The following WDFY3 variants were observed in gnomAD, a reference collection of about 807,000 sequenced individuals.
WDFY3 encodes the protein WD repeat and FYVE domain containing 3.
WDFY3 carries 66 observed loss-of-function variants against 409.6 expected under a neutral mutation model. That is an observed-to-expected ratio of 0.16 (90% CI 0.13 to 0.20). The LOEUF is 0.20. Among genes scored for constraint, WDFY3 ranks in the 10% least tolerant of loss-of-function variants. WDFY3 has a pLI of 1.00. For synonymous variants in WDFY3, 1,521 were observed against 1,537.1 expected, an observed-to-expected ratio of 0.99 and a Z score of 0.25; for missense variants, 3,031 against 4,298.1, an observed-to-expected ratio of 0.71 and a Z score of 8.24.
At chr4:84,735,923 T>C (rs561098115) in intron 42 of WDFY3, among the ~76,000 whole-genome samples, 7 of 152,346 alleles carry the variant, frequency 4.6e-5, no homozygotes, top group African/African-American at 1.4e-4. Context: ...AAATTATCTA[T>C]AGTCTGATCA....
chr4:84,736,508 C>T (rs1383545647), intron 41 of WDFY3, among the ~76,000 whole-genome samples, 181 bp from the exon 42 acceptor site: 1 of 151,428 alleles, frequency 6.6e-6, no homozygotes, highest in Non-Finnish European at 1.5e-5. Flanking sequence ...AGGATGACTG[C>T]TCGCAAATTG....
chr4:84,770,336 T>G (rs745599183), intron 30 of WDFY3, among the ~76,000 whole-genome samples: 1 of 152,166 alleles, frequency 6.6e-6, no homozygotes, highest in Non-Finnish European at 1.5e-5. Context: ...CCGAGTTATA[T>G]ACATTTTTTA....
chr4:84,889,598 A>ATATGAATTTCAAATTCTGTTCC, intron 3 of WDFY3, among the ~76,000 whole-genome samples: 1 of 152,222 alleles, frequency 6.6e-6, no homozygotes, highest in East Asian at 1.9e-4. Flanking sequence ...TGTCAGGCAG[A>ATATGAATTTCAAATTCTGTTCC]TATGAATTTC....
chr4:84,886,505 T>C (rs1764248089), intron 3 of WDFY3: 1 of 152,180 alleles, frequency 6.6e-6, no homozygotes, highest in African/African-American at 2.4e-5. Context: ...CATGTATTTT[T>C]TTCTAAAGTG....
chr4:84,848,646 T>C (rs1377696051), intron 5 of WDFY3, among the ~76,000 whole-genome samples: 5 of 152,196 alleles, frequency 3.3e-5, no homozygotes, highest in Non-Finnish European at 7.3e-5. Context: ...GCCTAAGTCA[T>C]AGGCAGTTTA....
chr4:84,802,277 G>C (rs1750726862), intron 16 of WDFY3, among the ~76,000 whole-genome samples: 2 of 140,506 alleles, frequency 1.4e-5, no homozygotes, highest in Non-Finnish European at 3.1e-5. Context: ...TTTTGAGACA[G>C]AGTCTTGCTC....
rs78727463 is a variant in WDFY3 at position 84,718,310 on chromosome 4, G to A, written c.7754+112C>T. 1.3e-3 allele frequency: 1,440 copies of A among 1,115,436 alleles called. 8 individuals carry two copies. The African/African-American group carries it at 0.015, about 11-fold the overall frequency. The allele number at this position is 1,115,436 out of a possible 1,614,324, so 69.1% of individuals were successfully genotyped here. A position where few individuals can be genotyped will look rare whatever the true frequency, so the allele number is the denominator to read the frequency against. The stretch of plus-strand genomic sequence containing the variant: ...ATGTAATGATGAATGCACACAAACC[G>A]AGAGATAACATTACCTAGAACACAA... On this transcript the variant is annotated intron_variant, in intron 48 of 67. Coordinates refer to ENST00000295888, the MANE Select transcript of WDFY3 (RefSeq NM_014991.6).
chr4:84,752,828 G>C (rs1009107153), intron 35 of WDFY3, among the ~76,000 whole-genome samples: 2 of 152,064 alleles, frequency 1.3e-5, no homozygotes, highest in Non-Finnish European at 1.5e-5. Context: ...ACTATCTTTT[G>C]GGTGTGTTTT....
At chr4:84,769,702 A>G (rs937873882) in intron 30 of WDFY3, among the ~76,000 whole-genome samples, 15 of 152,006 alleles carry the variant, frequency 9.9e-5, no homozygotes, top group Admixed American at 2.0e-4. Context: ...GATTACAGGC[A>G]TGAGCCACCG....
At chr4:84,956,520 G>C (rs1366040338) in intron 1 of WDFY3, among the ~76,000 whole-genome samples, 2 of 152,192 alleles carry the variant, frequency 1.3e-5, no homozygotes, top group Non-Finnish European at 2.9e-5. Context: ...ATAGGTAGTA[G>C]TAATGAATAC....
At chr4:84,827,075 A>G in intron 9 of WDFY3, 94 bp from the exon 10 acceptor site, 1 of 1,345,804 alleles carries the variant, frequency 7.4e-7, no homozygotes, top group East Asian at 2.5e-5. Flanking sequence ...TGCAGTAAAT[A>G]AATGTATAAA....
intron 44 of WDFY3, among the ~76,000 whole-genome samples, chr4:84,727,954 T>C (rs1326615681): frequency 6.6e-6 from 1 of 152,100 alleles, no homozygotes; most frequent in Non-Finnish European, 1.5e-5. Context: ...AAAAGTATAA[T>C]GTATATATTT....
At chr4:84,752,977 A>G (rs1478414422) in intron 35 of WDFY3, among the ~76,000 whole-genome samples, 1 of 152,220 alleles carries the variant, frequency 6.6e-6, no homozygotes, top group African/African-American at 2.4e-5. Flanking sequence ...AGTCACCAAT[A>G]TTTATGTCAA....
chr4:84,736,232 A>G lies in WDFY3; in HGVS notation c.6853T>C (p.Leu2285=). Residue 2285 remains leucine (L), a synonymous_variant, in exon 42 of 68, where the codon TTA becomes CTA. Transcript: ENST00000295888. ...TTTCGATTCCTTCTTGATCCTGTTA[A>G]CTTGGAAAGACCAAAGCCACTGCTG... The part of the protein sequence containing the change: ...RVSSGFGLSK[L]TGSRRNRKES... 6.2e-7 allele frequency: 1 copy of G among 1,613,612 alleles called. No individual in the cohort carries two copies. The highest frequency in any genetic ancestry group is 8.5e-7 in the Non-Finnish European group (1 of 1,179,696).
intron 9 of WDFY3, among the ~76,000 whole-genome samples, chr4:84,828,074 AGAGGGAGG>A (rs923450236): frequency 2.2e-5 from 3 of 138,774 alleles, no homozygotes; most frequent in African/African-American, 5.2e-5. Context: ...ATGAGACCCC[AGAGGGAGG>A]GAGGGAGGGA....
chr4:84,707,026 C>T (rs11726731), intron 53 of WDFY3, among the ~76,000 whole-genome samples: 5,180 of 151,186 alleles, frequency 0.034, 95 homozygotes, highest in South Asian at 0.05. Flanking sequence ...GCAATCTCCA[C>T]CTCACCAGCT....
At chr4:84,958,856 C>T (rs1207532082) in intron 1 of WDFY3, among the ~76,000 whole-genome samples, 1 of 152,182 alleles carries the variant, frequency 6.6e-6, no homozygotes. Flanking sequence ...AATTCTCACT[C>T]CCTTGGCTGC....
chr4:84,907,269 C>T (rs1205521585), intron 2 of WDFY3, among the ~76,000 whole-genome samples: 1 of 152,114 alleles, frequency 6.6e-6, no homozygotes, highest in Admixed American at 6.6e-5. Context: ...CTTAGCAACA[C>T]GTTTCTAAGG....
intron 21 of WDFY3, among the ~76,000 whole-genome samples, chr4:84,794,118 T>C (rs1317025025): frequency 6.6e-6 from 1 of 152,222 alleles, no homozygotes; most frequent in East Asian, 1.9e-4. Flanking sequence ...AGGTAAGTGA[T>C]GGATAAGGTA....
Sources: allele counts gnomAD v4.1 joint callset (sites outside exome capture counted in the v4.1 genomes callset), GRCh38; gene constraint gnomAD v4.1.1; transcripts MANE v1.5; gene names NCBI Gene and HGNC (gene_info 2026-07-23, HGNC 2026-07-21).